COA1: variants seen among roughly 807,000 people sequenced by gnomAD.
The protein encoded by COA1 is cytochrome c oxidase assembly factor 1.
In COA1, 13 loss-of-function variants were observed where a neutral mutation model predicts 16.0. The observed-to-expected ratio is 0.81, with a 90% CI of 0.53 to 1.29. The LOEUF is 1.29. Ranked by LOEUF, COA1 falls within the 50% of genes most tolerant of loss-of-function variation. COA1 has a pLI of 0.00. For synonymous variants in COA1, 65 were observed against 65.7 expected, an observed-to-expected ratio of 0.99 and a Z score of 0.05; for missense variants, 179 against 177.0, an observed-to-expected ratio of 1.01 and a Z score of -0.06.
chr7:43,682,204 G>GT (rs1484994071), intron 1 of COA1, among the ~76,000 whole-genome samples: 6 of 152,300 alleles, frequency 3.9e-5, no homozygotes, highest in African/African-American at 1.4e-4. Flanking sequence ...TTAATCTCCT[G>GT]TTTTAGAAGT....
intron 1 of COA1, among the ~76,000 whole-genome samples, chr7:43,700,209 T>C (rs1322725154): frequency 6.6e-6 from 1 of 152,040 alleles, no homozygotes; most frequent in Non-Finnish European, 1.5e-5. Context: ...ACCACAATCA[T>C]ACGTATGGAA....
chr7:43,684,224 T>A (rs894143769), intron 1 of COA1, among the ~76,000 whole-genome samples: 6 of 152,088 alleles, frequency 3.9e-5, no homozygotes, highest in African/African-American at 1.2e-4. Flanking sequence ...TCAAACTACA[T>A]CCCTCATATG....
intron 4 of COA1, among the ~76,000 whole-genome samples, chr7:43,643,926 T>C (rs1287763877): frequency 6.6e-6 from 1 of 152,194 alleles, no homozygotes; most frequent in Non-Finnish European, 1.5e-5. Flanking sequence ...AAAAATAATG[T>C]AGGTCGGATC....
At chr7:43,618,759 TG>T (rs1438501988) in intron 6 of COA1, among the ~76,000 whole-genome samples, 1 of 152,226 alleles carries the variant, frequency 6.6e-6, no homozygotes, top group Non-Finnish European at 1.5e-5. Context: ...TCACTGATTC[TG>T]TGGCTCTGGG....
chr7:43,648,217 G>A (rs1225780809), intron 2 of COA1: 1 of 305,942 alleles, frequency 3.3e-6, no homozygotes, highest in East Asian at 6.3e-5. Context: ...GTATCAAAAT[G>A]AGTGTAAAGT....
intron 6 of COA1, among the ~76,000 whole-genome samples, chr7:43,620,417 G>A (rs1227629741): frequency 3.3e-5 from 5 of 152,232 alleles, no homozygotes; most frequent in African/African-American, 7.2e-5. Context: ...GCTCACGCCT[G>A]TAATCCCAGC....
intron 1 of COA1, among the ~76,000 whole-genome samples, chr7:43,691,054 CAAAAA>C (rs1173049196): frequency 5.0e-5 from 2 of 40,022 alleles, no homozygotes; most frequent in Admixed American, 3.9e-4. Context: ...CTCATCACTA[CAAAAA>C]AAAAAAAAAA....
chr7:43,664,103 AAGAG>A (rs141990456), intron 1 of COA1, among the ~76,000 whole-genome samples: 20,780 of 135,178 alleles, frequency 0.15, 1,910 homozygotes, highest in Non-Finnish European at 0.21. Flanking sequence ...TGTCTTTAGA[AAGAG>A]AGAGAGAGAG....
intron 1 of COA1, among the ~76,000 whole-genome samples, chr7:43,655,381 T>TG (rs2091548547): frequency 6.6e-6 from 1 of 152,240 alleles, no homozygotes; most frequent in Non-Finnish European, 1.5e-5. Context: ...CCGGGCATGT[T>TG]GGCTCACGCC....
chr7:43,623,729 AT>A (rs764485008), intron 6 of COA1: 1 of 1,607,338 alleles, frequency 6.2e-7, no homozygotes, highest in East Asian at 2.2e-5. Flanking sequence ...GTGTTAACAT[AT>A]GTCATGCTTA....
At chr7:43,613,391 A>G (rs2152986936) in intron 6 of COA1, among the ~76,000 whole-genome samples, 1 of 152,354 alleles carries the variant, frequency 6.6e-6, no homozygotes, top group Non-Finnish European at 1.5e-5. Flanking sequence ...TGCTTAGGTT[A>G]TATGCAAATA....
intron 1 of COA1, chr7:43,648,906 C>A (rs777915301): frequency 4.0e-5 from 16 of 399,306 alleles, no homozygotes; most frequent in Admixed American, 1.2e-4. Flanking sequence ...AACCAAAGAA[C>A]CGGTGTGCAC....
intron 1 of COA1, among the ~76,000 whole-genome samples, chr7:43,677,850 C>T (rs1249826490): frequency 6.8e-6 from 1 of 146,320 alleles, no homozygotes; most frequent in Non-Finnish European, 1.5e-5. Context: ...TCTAACAAGT[C>T]TTTTAATACT....
intron 6 of COA1, chr7:43,623,794 TCA>T: frequency 3.1e-6 from 5 of 1,608,586 alleles, no homozygotes; most frequent in Non-Finnish European, 4.2e-6. Context: ...CTTAAACATC[TCA>T]CAGATGAATT....
At chr7:43,724,357 A>G (rs2095569340) in intron 1 of COA1, among the ~76,000 whole-genome samples, 1 of 152,138 alleles carries the variant, frequency 6.6e-6, no homozygotes, top group Non-Finnish European at 1.5e-5. Flanking sequence ...GTTCAAGACC[A>G]GCCTGGCCAA....
chr7:43,648,840 G>A, intron 1 of COA1, 188 bp from the exon 2 acceptor site: 1 of 536,252 alleles, frequency 1.9e-6, no homozygotes, highest in Non-Finnish European at 3.3e-6. Context: ...AAATTAGGAA[G>A]AAAAAACAAA....
intron 1 of COA1, among the ~76,000 whole-genome samples, chr7:43,725,155 T>G (rs1028343516): frequency 6.6e-6 from 1 of 151,944 alleles, no homozygotes; most frequent in Non-Finnish European, 1.5e-5. Context: ...GGAGAATCAC[T>G]TGAACCCGGG....
chr7:43,715,642 A>G (rs10245456), intron 1 of COA1, among the ~76,000 whole-genome samples: 18,040 of 152,206 alleles, frequency 0.12, 1,149 homozygotes, highest in Admixed American at 0.19. Context: ...CAAAAACACT[A>G]TATCTTTTTC....
At chr7:43,612,645 G>T (rs2082980372) in intron 6 of COA1, among the ~76,000 whole-genome samples, 1 of 152,202 alleles carries the variant, frequency 6.6e-6, no homozygotes, top group South Asian at 2.1e-4. Context: ...AAGTTAGTTG[G>T]AAGTTAAAAC....
Sources: allele counts gnomAD v4.1 joint callset (sites outside exome capture counted in the v4.1 genomes callset), GRCh38; gene constraint gnomAD v4.1.1; transcripts MANE v1.5; gene names NCBI Gene and HGNC (gene_info 2026-07-23, HGNC 2026-07-21).